CACNA1B: variants seen among roughly 807,000 people sequenced by gnomAD.
The protein encoded by CACNA1B is voltage-dependent N-type calcium channel subunit alpha-1B.
A neutral mutation model predicts 247.2 loss-of-function variants in CACNA1B; 70 were observed. That is an observed-to-expected ratio of 0.28 (90% confidence interval 0.23 to 0.35). The LOEUF is 0.35. Among genes scored for constraint, CACNA1B ranks in the 10% least tolerant of loss-of-function variants. CACNA1B has a pLI of 1.00. For synonymous variants in CACNA1B, 1,231 were observed against 1,294.4 expected (o/e 0.95, Z 1.05); for missense variants, 2,367 against 3,197.4 (o/e 0.74, Z 6.26).
intron 20 of CACNA1B, among the ~76,000 whole-genome samples, chr9:138,028,718 T>A (rs1002002191): frequency 2.0e-5 from 3 of 152,182 alleles, no homozygotes; most frequent in Admixed American, 2.0e-4. Context: ...CCTGCCCAGG[T>A]GCTTAATCAA....
chr9:138,091,505 T>G (rs1248831046), intron 36 of CACNA1B, among the ~76,000 whole-genome samples: 1 of 152,160 alleles, frequency 6.6e-6, no homozygotes, highest in African/African-American at 2.4e-5. Context: ...AACAACAGTT[T>G]GTTGAATATT....
intron 12 of CACNA1B, among the ~76,000 whole-genome samples, chr9:137,978,152 C>T (rs969099513): frequency 1.5e-5 from 2 of 136,904 alleles, no homozygotes; most frequent in South Asian, 2.5e-4. Flanking sequence ...GGTGGGAGCA[C>T]TACTTCCCCC....
At chr9:137,909,746 T>A (rs1183454520) in intron 3 of CACNA1B, among the ~76,000 whole-genome samples, 2 of 152,188 alleles carry the variant, frequency 1.3e-5, no homozygotes, top group Non-Finnish European at 2.9e-5. Flanking sequence ...GATCTTATGT[T>A]AATTCTATGT....
At chr9:138,120,910 C>G in intron 46 of CACNA1B, 29 bp downstream of exon 46, 2 of 1,539,506 alleles carry the variant, frequency 1.3e-6, no homozygotes, top group Non-Finnish European at 1.7e-6. Context: ...GAGGTCAGGG[C>G]CCAGCTGCCT....
chr9:137,888,772 T>C lies in CACNA1B; in HGVS notation c.530+5889T>C, dbSNP rs1483219414. On this transcript the variant is annotated intron_variant, in intron 3 of 46. Transcript: ENST00000371372. This position sits in a 1 kb window ranked among gnomAD's most constrained non-coding sequence, Gnocchi z 4.7. ...GACCCTGAGCTTCCTGGGCAACCAC[T>C]GTGGCCTCCTGTTCTTTTGGGCTTT... Among the ~76,000 whole-genome samples the C allele has an allele frequency of 6.6e-6, 1 of 152,352 alleles. No homozygotes were observed. The highest frequency in any genetic ancestry group is 2.1e-4 in the South Asian group (1 of 4,828).
At chr9:138,064,872 A>G (rs1959860063) in intron 31 of CACNA1B, among the ~76,000 whole-genome samples, 3 of 152,232 alleles carry the variant, frequency 2.0e-5, no homozygotes, top group Admixed American at 6.5e-5. Context: ...GAGAACCACC[A>G]GTGGCCTTGT....
In CACNA1B at chr9:138,008,543, G is replaced by A. The variant is rs539207647; in HGVS notation, c.2093-1467G>A. On this transcript the variant is annotated intron_variant, in intron 16 of 46. Transcript: ENST00000371372. ...TGTGAGGCTCTGGCCTGGGGTATGC[G>A]CTCCCTTGACCCCCAGGGAGGGGGC... Among the ~76,000 whole-genome samples the A allele has an allele frequency of 1.0e-3, 157 of 152,298 alleles. 1 individual carries two copies. The highest frequency in any genetic ancestry group is 3.6e-3 in the African/African-American group (148 of 41,564).
chr9:138,009,435 A>T (rs1958696710), intron 16 of CACNA1B, among the ~76,000 whole-genome samples: 1 of 152,228 alleles, frequency 6.6e-6, no homozygotes, highest in Non-Finnish European at 1.5e-5. Flanking sequence ...GGAAGGTAGC[A>T]CTAGGTGGCA....
At chr9:138,039,367 A>G (rs1959088298) in intron 20 of CACNA1B, among the ~76,000 whole-genome samples, 1 of 152,024 alleles carries the variant, frequency 6.6e-6, no homozygotes. Flanking sequence ...GTTTTTTAAA[A>G]TGGTATTGTT....
At position 138,123,824 on chromosome 9, in the gene CACNA1B, C is replaced by A. The variant is rs1021997251; in HGVS notation, c.*1825C>A. 2 of 152,124 alleles carry A rather than the reference C, an allele frequency of 1.3e-5. No individual in the cohort carries two copies. The highest frequency in any genetic ancestry group is 2.9e-5 in the Non-Finnish European group (2 of 68,024). 9.4% of individuals were successfully genotyped at this position (152,124 alleles called of 1,614,324 possible). A position where few individuals can be genotyped will look rare whatever the true frequency, so the allele number is the denominator to read the frequency against. ...GAGTATTTTATTCCAATAGAATAAA[C>A]CAGGAATCTCGGACTGTGCATGTGA... On this transcript the variant is annotated 3_prime_UTR_variant, in exon 47 of 47. Coordinates refer to ENST00000371372, the MANE Select transcript of CACNA1B (RefSeq NM_000718.4).
At chr9:138,066,451 A>G (rs1959918412) in intron 31 of CACNA1B, among the ~76,000 whole-genome samples, 1 of 149,758 alleles carries the variant, frequency 6.7e-6, no homozygotes, top group Non-Finnish European at 1.5e-5. Context: ...TAAAAAAATA[A>G]GAGAGAGAGA....
intron 10 of CACNA1B, among the ~76,000 whole-genome samples, chr9:137,961,191 C>T (rs530480222): frequency 3.9e-5 from 6 of 152,006 alleles, no homozygotes; most frequent in Non-Finnish European, 7.4e-5. Flanking sequence ...TAATTTGGCT[C>T]TCAGCTTGCC....
intron 20 of CACNA1B, among the ~76,000 whole-genome samples, chr9:138,042,013 C>CT (rs1041768374): frequency 3.9e-5 from 6 of 152,172 alleles, no homozygotes; most frequent in Admixed American, 6.5e-5. Flanking sequence ...CAAGGGATCC[C>CT]TCCCACCTTG....
chr9:138,043,722 G>T lies in CACNA1B; in HGVS notation c.3287-52G>T, dbSNP rs966111893. On this transcript the variant is annotated intron_variant, in intron 20 of 46. Transcript: ENST00000371372. Reference sequence around the variant, plus strand: ...GGGAGCTGGGAGGGAGCCACGCAACGTGGGCTTCATGTGCACTACACCCCT... The same window carrying T: ...GGGAGCTGGGAGGGAGCCACGCAACTTGGGCTTCATGTGCACTACACCCCT... 6.8e-6 allele frequency: 11 copies of T among 1,607,092 alleles called. No individual in the cohort carries two copies. The South Asian group carries it at 8.8e-5, about 13-fold the overall frequency.
At chr9:137,995,106 G>C (rs1410366704) in intron 15 of CACNA1B, among the ~76,000 whole-genome samples, 1 of 151,960 alleles carries the variant, frequency 6.6e-6, no homozygotes, top group Non-Finnish European at 1.5e-5. Context: ...TACTTGGAAG[G>C]CTGAGGCAGA....
rs924829280 is a variant in CACNA1B, at chr9:138,007,849, C to T, written c.2092+965C>T. 2.0e-5 allele frequency among the ~76,000 whole-genome samples: 3 copies of T among 152,224 alleles called. No individual in the cohort carries two copies. Among genetic ancestry groups the T allele is most frequent in the Non-Finnish European group, 4.4e-5 (3 of 68,036 alleles). On this transcript the variant is annotated intron_variant, in intron 16 of 46. Transcript: ENST00000371372. The surrounding 1 kb of genome is among the most constrained non-coding windows in gnomAD (Gnocchi z 4.1). ...CTTCTCACACACGATGGCCACTCCA[C>T]CCCGTCTGTCTGTCCTCGTCTCTGC...
At position 138,007,169 on chromosome 9, in the gene CACNA1B, G is replaced by A. The variant is rs1958663423; in HGVS notation, c.2092+285G>A. On this transcript the variant is annotated intron_variant, in intron 16 of 46. Transcript: ENST00000371372. This position sits in a 1 kb window ranked among gnomAD's most constrained non-coding sequence, Gnocchi z 4.1. ...CCAGGACAGACTCTGAGCAGCAGTC[G>A]GGGAGCCTCACACTCTGGGCAGGTG... is the stretch of plus-strand genomic sequence containing the variant. 6.6e-6 allele frequency among the ~76,000 whole-genome samples: 1 copy of A among 152,186 alleles called. No individual in the cohort carries two copies. The highest frequency in any genetic ancestry group is 2.4e-5 in the African/African-American group (1 of 41,446).
chr9:137,970,868 C>A (rs1165883854), intron 10 of CACNA1B, among the ~76,000 whole-genome samples: 1 of 152,128 alleles, frequency 6.6e-6, no homozygotes, highest in Non-Finnish European at 1.5e-5. Context: ...CAGCCATGGA[C>A]CATGCGTAAA....
At chr9:137,915,071 G>A (rs551030725) in intron 5 of CACNA1B, among the ~76,000 whole-genome samples, 4 of 152,222 alleles carry the variant, frequency 2.6e-5, no homozygotes, top group Non-Finnish European at 5.9e-5. Context: ...CTTTACAGAG[G>A]GGCCCAGGAG....
Sources: allele counts gnomAD v4.1 joint callset (sites outside exome capture counted in the v4.1 genomes callset), GRCh38; gene constraint gnomAD v4.1.1; non-coding constraint Gnocchi (gnomAD v3.1); transcripts MANE v1.5; gene names NCBI Gene and HGNC (gene_info 2026-07-23, HGNC 2026-07-21).